Variants in SOX30 observed in about 807,000 individuals in gnomAD.
SOX30 encodes transcription factor SOX-30.
SOX30 carries 17 observed loss-of-function variants against 58.6 expected under a neutral mutation model. The ratio of observed to expected loss-of-function variants is 0.29; its 90% confidence interval spans 0.20 to 0.44. The LOEUF is 0.44. SOX30 is among the 20% of genes least tolerant of loss of function. The pLI is 1.00. For missense variants in SOX30, 951 were observed against 965.8 expected (o/e 0.98, Z 0.20); for synonymous variants, 421 against 400.2 (o/e 1.05, Z -0.62).
intron 4 of SOX30, among the ~76,000 whole-genome samples, chr5:157,637,599 C>T (rs939134717): frequency 4.6e-5 from 7 of 152,158 alleles, no homozygotes; most frequent in Admixed American, 3.9e-4. Flanking sequence ...TTGAGATGCA[C>T]CCCCTCTATA....
Position 157,662,741 on chromosome 5 carries a change from C to T in SOX30, c.52+5057G>A, listed in dbSNP as rs536639881. On this transcript the variant is annotated intron_variant, in intron 2 of 5. Transcript: ENST00000519442. Reference sequence around the variant, plus strand: ...ATTACACTCCTCCAGCATTAACCAACACAAACCTTATATCTGATAAGAAAC... The same window carrying T: ...ATTACACTCCTCCAGCATTAACCAATACAAACCTTATATCTGATAAGAAAC... 6.6e-5 allele frequency among the ~76,000 whole-genome samples: 10 copies of T among 152,320 alleles called. No homozygotes were observed. In the South Asian group the frequency reaches 1.0e-3, roughly 16 times the overall value.
chr5:157,663,097 T>C (rs183370979), intron 2 of SOX30, among the ~76,000 whole-genome samples: 1 of 152,268 alleles, frequency 6.6e-6, no homozygotes, highest in East Asian at 1.9e-4. Flanking sequence ...CCCTAACTCA[T>C]TTTATGAGGC....
Position 157,646,030 on chromosome 5 carries a change from A to AC in SOX30, c.1387+606_1387+607insG, listed in dbSNP as rs1051331583. Among the ~76,000 whole-genome samples the AC allele has an allele frequency of 2.9e-4, 44 of 152,052 alleles. No individual in the cohort carries two copies. The East Asian group carries it at 8.1e-3, about 28-fold the overall frequency. ...CGAAAACTCCATCTCAAAAAAAAAA[A>AC]AACTGTTCTGGAAAAACAAACCAAT... On this transcript the variant is annotated intron_variant, in intron 3 of 4. Coordinates refer to ENST00000265007, the MANE Select transcript of SOX30 (RefSeq NM_178424.2).
chr5:157,638,486 T>A lies in SOX30; in HGVS notation c.1624A>T (p.Ser542Cys). ...VKQPTPVSLE[S>C]ANRISSSAST... is the part of the protein sequence containing the mutation. ...GCACTACTTGAAATCCTGTTGGCGC[T>A]CTCTAGAGAGACAGGAGTGGGTTGC... Residue 542 changes from serine (S) to cysteine (C), a missense_variant, in exon 4 of 5, where the codon AGC becomes TGC. Ser to Cys is a moderately radical substitution (Grantham distance 112, BLOSUM62 -1). Transcript: ENST00000265007. 1 of 1,614,144 alleles carries A rather than the reference T, an allele frequency of 6.2e-7. No homozygotes were observed. The highest frequency in any genetic ancestry group is 8.5e-7 in the Non-Finnish European group (1 of 1,180,030).
chr5:157,659,829 A>AT (rs1759545512), intron 2 of SOX30, among the ~76,000 whole-genome samples: 2 of 152,196 alleles, frequency 1.3e-5, no homozygotes, highest in Non-Finnish European at 2.9e-5. Flanking sequence ...GGATTCAAAG[A>AT]TTTTCTGAAT....
At chr5:157,661,074 A>T (rs1005316790) in intron 2 of SOX30, among the ~76,000 whole-genome samples, 5 of 152,062 alleles carry the variant, frequency 3.3e-5, no homozygotes, top group Admixed American at 6.6e-5. Context: ...TGTGAATGTA[A>T]TTTTTTAAAA....
At position 157,626,738 on chromosome 5, in the gene SOX30, C is replaced by A; in HGVS notation, c.1881-17G>T. The A allele has an allele frequency of 6.4e-7, 1 of 1,573,958 alleles. No homozygotes were observed. ...GGGCATGTACTGCAGCAGAAAAACA[C>A]AAACAAGGAATTAGATCTTGCCCAC... On this transcript the variant is annotated splice_polypyrimidine_tract_variant and intron_variant, in intron 4 of 4. Transcript: ENST00000265007.
At chr5:157,636,712 A>T (rs1758935297) in intron 4 of SOX30, among the ~76,000 whole-genome samples, 1 of 152,244 alleles carries the variant, frequency 6.6e-6, no homozygotes, top group Non-Finnish European at 1.5e-5. Flanking sequence ...AGGTGTAGGT[A>T]TACCCTAATG....
Position 157,667,931 on chromosome 5 carries a change from C to G in SOX30, c.-3-79G>C, listed in dbSNP as rs1337117237. The G allele has an allele frequency of 2.1e-6, 3 of 1,428,030 alleles. No homozygotes were observed. In the African/African-American group the frequency reaches 4.3e-5, roughly 20 times the overall value. The allele number at this position is 1,428,030 out of a possible 1,614,324, so 88.5% of individuals were successfully genotyped here. Reference sequence around the variant, plus strand: ...CATTTTATATCTTACCTCATTCATTCCCCACAACAACACTTGTCAGGCATC... The same window carrying G: ...CATTTTATATCTTACCTCATTCATTGCCCACAACAACACTTGTCAGGCATC... On this transcript the variant is annotated intron_variant, in intron 1 of 5. Coordinates refer to the SOX30 transcript ENST00000519442.
At chr5:157,658,039 G>T (rs1035048346) in intron 2 of SOX30, among the ~76,000 whole-genome samples, 2 of 152,148 alleles carry the variant, frequency 1.3e-5, no homozygotes, top group African/African-American at 4.8e-5. Flanking sequence ...CTTTCTACAG[G>T]TCCAGGATCC....
rs1474282052 is a variant in SOX30 at position 157,638,519 on chromosome 5, T to C, written c.1591A>G (p.Thr531Ala). The C allele has an allele frequency of 1.4e-5, 23 of 1,614,006 alleles. No homozygotes were observed. The highest frequency in any genetic ancestry group is 1.9e-5 in the Non-Finnish European group (23 of 1,180,034). The change falls in exon 4 of 5, where the codon ACT (threonine) becomes GCT (alanine). Residue 531 changes from threonine (T) to alanine (A), a missense_variant. By Grantham distance (58) the Thr-to-Ala change is moderately conservative. Around this residue, in one of 7 missense-constraint regions of SOX30, gnomAD observed 381 missense variants for 390.0 expected, o/e 0.98. Coordinates refer to ENST00000265007, the MANE Select transcript of SOX30 (RefSeq NM_178424.2). ...GAGACAGGAGTGGGTTGCTTCACAG[T>C]GTGAGTGGCTTCAGAATGCAGCTGA... ...THQLHSEATH[T>A]VKQPTPVSLE...
intron 2 of SOX30, among the ~76,000 whole-genome samples, chr5:157,667,187 T>C (rs1759690491): frequency 6.6e-6 from 1 of 152,190 alleles, no homozygotes; most frequent in Admixed American, 6.5e-5. Context: ...GTAGGAGTCC[T>C]GACTGCTGCC....
At chr5:157,664,931 T>C (rs984573731) in intron 2 of SOX30, among the ~76,000 whole-genome samples, 3 of 152,172 alleles carry the variant, frequency 2.0e-5, no homozygotes, top group African/African-American at 7.2e-5. Flanking sequence ...TGGCGATCAT[T>C]AAAAAGTCAG....
In SOX30 at chr5:157,626,205, T is replaced by C. The variant is rs1758647264; in HGVS notation, c.*135A>G. On this transcript the variant is annotated 3_prime_UTR_variant, in exon 5 of 5. Coordinates refer to ENST00000265007, the MANE Select transcript of SOX30 (RefSeq NM_178424.2). ...ATCAAAATTTTATGAAGACATAAAT[T>C]GCATTTGGTTTTAACTCCTCAAATC... 2.9e-6 allele frequency: 2 copies of C among 686,980 alleles called. No individual in the cohort carries two copies. The highest frequency in any genetic ancestry group is 4.5e-6 in the Non-Finnish European group (2 of 440,434). 42.6% of individuals were successfully genotyped at this position (686,980 alleles called of 1,614,324 possible). A position where few individuals can be genotyped will look rare whatever the true frequency, so the allele number is the denominator to read the frequency against.
intron 2 of SOX30, among the ~76,000 whole-genome samples, chr5:157,647,807 C>T (rs866850678): frequency 6.6e-6 from 1 of 151,796 alleles, no homozygotes; most frequent in Non-Finnish European, 1.5e-5. Flanking sequence ...GATCCACCCA[C>T]CTTGGCCTCC....
intron 2 of SOX30, among the ~76,000 whole-genome samples, chr5:157,658,844 A>C (rs1759528068): frequency 6.6e-6 from 1 of 152,216 alleles, no homozygotes; most frequent in South Asian, 2.1e-4. Flanking sequence ...CCAGACAGTT[A>C]AGGCATTCTA....
chr5:157,662,732 A>G (rs1375110655), intron 2 of SOX30, among the ~76,000 whole-genome samples: 2 of 152,326 alleles, frequency 1.3e-5, no homozygotes, highest in Non-Finnish European at 2.9e-5. Flanking sequence ...CTCCTCCAGC[A>G]TTAACCAACA....
upstream of SOX30, among the ~76,000 whole-genome samples, chr5:157,654,590 A>G (rs1759431084): frequency 6.6e-6 from 1 of 152,184 alleles, no homozygotes; most frequent in Non-Finnish European, 1.5e-5. Context: ...TGCTGGGTAA[A>G]ATGAGGCTGA....
chr5:157,647,085 G>A (rs1254113899), intron 2 of SOX30, among the ~76,000 whole-genome samples: 5 of 148,134 alleles, frequency 3.4e-5, no homozygotes, highest in East Asian at 3.9e-4. Flanking sequence ...TTTTTGAGAC[G>A]GAGTCTTGCA....
Sources: allele counts gnomAD v4.1 joint callset (sites outside exome capture counted in the v4.1 genomes callset), GRCh38; gene constraint gnomAD v4.1.1; regional missense constraint gnomAD v4.1.1; transcripts MANE v1.5; gene names NCBI Gene and HGNC (gene_info 2026-07-23, HGNC 2026-07-21).